TRPM8: variants seen among roughly 807,000 people sequenced by gnomAD.
TRPM8 encodes the protein transient receptor potential cation channel subfamily M member 8.
A neutral mutation model predicts 133.7 loss-of-function variants in TRPM8; 110 were observed. That is an observed-to-expected ratio of 0.82 (90% confidence interval 0.70 to 0.96). The LOEUF (loss-of-function observed/expected upper bound fraction) is 0.96, where lower values mean the gene tolerates loss of function less well. Among genes scored for constraint, TRPM8 ranks in the 40% least tolerant of loss-of-function variants. TRPM8 has a pLI of 0.00. For missense variants in TRPM8, 1,291 were observed against 1,379.5 expected, an observed-to-expected ratio of 0.94 and a Z score of 1.02; for synonymous variants, 535 against 532.3, an observed-to-expected ratio of 1.01 and a Z score of -0.07.
At chr2:233,940,186 G>T (rs1172668000) in intron 5 of TRPM8, among the ~76,000 whole-genome samples, 1 of 151,482 alleles carries the variant, frequency 6.6e-6, no homozygotes, top group African/African-American at 2.4e-5. Context: ...CTCGTGATTA[G>T]ATTCAGTTTG....
intron 2 of TRPM8, 141 bp from the exon 3 acceptor site, chr2:233,930,527 T>A (rs1035767691): frequency 2.1e-5 from 12 of 575,500 alleles, no homozygotes; most frequent in Non-Finnish European, 3.5e-5. Flanking sequence ...TCTAAAGGCA[T>A]GAACAAATGC....
At chr2:233,976,513 C>T (rs563707923) in intron 17 of TRPM8, among the ~76,000 whole-genome samples, 101 of 152,204 alleles carry the variant, frequency 6.6e-4, no homozygotes, top group African/African-American at 2.1e-3. Context: ...GGAAGGACAA[C>T]GTGCTGTGAG....
intron 2 of TRPM8, among the ~76,000 whole-genome samples, chr2:233,930,034 G>A (rs978407471): frequency 6.6e-6 from 1 of 152,116 alleles, no homozygotes; most frequent in Non-Finnish European, 1.5e-5. Context: ...GATGTACAGT[G>A]CTTATATATT....
Position 234,011,061 on chromosome 2 carries a change from A to G in TRPM8, c.3264+2958A>G, listed in dbSNP as rs114797680. On this transcript the variant is annotated intron_variant, in intron 24 of 25. Transcript: ENST00000324695. The stretch of plus-strand genomic sequence containing the variant: ...AAAATCATTGCCACGACCAGAGTCA[A>G]GAAGGTTTTCCCCTATGCTTTCTTC... 3.4e-3 allele frequency among the ~76,000 whole-genome samples: 519 copies of G among 152,362 alleles called. 1 individual carries two copies. Among genetic ancestry groups the G allele is most frequent in the African/African-American group, 0.012 (501 of 41,588 alleles).
intron 21 of TRPM8, among the ~76,000 whole-genome samples, chr2:233,993,981 T>A (rs900072393): frequency 1.3e-5 from 2 of 152,240 alleles, no homozygotes; most frequent in African/African-American, 4.8e-5. Flanking sequence ...TTTTTTGAAA[T>A]AGAGCATCTA....
intron 21 of TRPM8, among the ~76,000 whole-genome samples, chr2:233,987,648 A>T (rs993310630): frequency 2.6e-5 from 4 of 152,162 alleles, no homozygotes; most frequent in African/African-American, 9.7e-5. Context: ...ACCAAAAGTG[A>T]TGTTTCTAAA....
intron 2 of TRPM8, 106 bp from the exon 3 acceptor site, chr2:233,930,562 T>G: frequency 1.4e-6 from 1 of 722,466 alleles, no homozygotes. Flanking sequence ...ATGTGGTAAA[T>G]TCTTAAAGCC....
At chr2:234,009,119 G>A (rs1307794921) in intron 24 of TRPM8, among the ~76,000 whole-genome samples, 1 of 152,130 alleles carries the variant, frequency 6.6e-6, no homozygotes, top group East Asian at 1.9e-4. Context: ...TGCAAGGGAA[G>A]GCTCGGGGAG....
At chr2:233,992,640 C>T (rs1244136396) in intron 21 of TRPM8, among the ~76,000 whole-genome samples, 1 of 152,164 alleles carries the variant, frequency 6.6e-6, no homozygotes, top group African/African-American at 2.4e-5. Flanking sequence ...TGCATGTCTC[C>T]AGCCAGCTAG....
At position 234,000,084 on chromosome 2, in the gene TRPM8, A is replaced by ATTAT. The variant is rs1553669200; in HGVS notation, c.3130+3569_3130+3570insTATT. On this transcript the variant is annotated intron_variant, in intron 22 of 25. Transcript: ENST00000324695. Reference sequence around the variant, plus strand: ...TGAGCAGCATCTGTGATCAATGTGGATGATTTATTTATTTATTTATTTATT... The same window carrying ATTAT: ...TGAGCAGCATCTGTGATCAATGTGGATTATTGATTTATTTATTTATTTATTTATT... Among the ~76,000 whole-genome samples, 5 of 95,650 alleles carry ATTAT rather than the reference A, an allele frequency of 5.2e-5. No homozygotes were observed. In the South Asian group the frequency reaches 1.6e-3, roughly 30 times the overall value. 62.8% of individuals were successfully genotyped at this position (95,650 alleles called of 152,430 possible).
At chr2:233,983,334 G>A (rs755669034) in intron 20 of TRPM8, 110 bp downstream of exon 20, 47 of 1,243,150 alleles carry the variant, frequency 3.8e-5, no homozygotes, top group South Asian at 1.5e-4. Flanking sequence ...CGCGTGAAAC[G>A]GAGTCCAACA....
At chr2:233,977,435 C>T (rs1387071641) in intron 17 of TRPM8, among the ~76,000 whole-genome samples, 3 of 152,116 alleles carry the variant, frequency 2.0e-5, no homozygotes, top group Non-Finnish European at 2.9e-5. Flanking sequence ...GACCTATTTC[C>T]GACGTCGCTC....
chr2:234,015,226 C>T (rs1425983141), intron 25 of TRPM8, among the ~76,000 whole-genome samples: 1 of 152,156 alleles, frequency 6.6e-6, no homozygotes, highest in African/African-American at 2.4e-5. Context: ...GGCTTTGCTC[C>T]ATGGTCTTAC....
At chr2:233,957,526 A>C (rs1228108829) in intron 11 of TRPM8, among the ~76,000 whole-genome samples, 1 of 152,154 alleles carries the variant, frequency 6.6e-6, no homozygotes, top group East Asian at 1.9e-4. Context: ...CCCAAAAAAC[A>C]AAAAAACAAA....
chr2:233,990,819 T>TG (rs1692258066), intron 21 of TRPM8, among the ~76,000 whole-genome samples: 1 of 152,174 alleles, frequency 6.6e-6, no homozygotes, highest in Admixed American at 6.5e-5. Context: ...CTGCCTCAGG[T>TG]GCAGCCTTAT....
intron 3 of TRPM8, among the ~76,000 whole-genome samples, chr2:233,936,378 C>T (rs1036198220): frequency 2.0e-5 from 3 of 152,210 alleles, no homozygotes; most frequent in African/African-American, 4.8e-5. Flanking sequence ...TTCCAATTTC[C>T]TGTTATGCCT....
At chr2:234,002,782 T>C (rs770076281) in intron 22 of TRPM8, among the ~76,000 whole-genome samples, 5 of 152,290 alleles carry the variant, frequency 3.3e-5, no homozygotes, top group Non-Finnish European at 5.9e-5. Context: ...GGTTAGGTGG[T>C]CCTTCTCTCT....
At chr2:233,974,737 TCTGTAGGAA>T (rs766386968) in intron 17 of TRPM8, among the ~76,000 whole-genome samples, 15 of 151,862 alleles carry the variant, frequency 9.9e-5, no homozygotes, top group Non-Finnish European at 2.1e-4. Flanking sequence ...AGGCACGGCA[TCTGTAGGAA>T]CTGGAGCAGC....
chr2:233,930,873 TG>T (rs1318690102), intron 3 of TRPM8, 132 bp downstream of exon 3: 3 of 621,768 alleles, frequency 4.8e-6, no homozygotes, highest in Non-Finnish European at 8.5e-6. Context: ...AAACACTGTT[TG>T]CGCAGGAAGG....
Sources: allele counts gnomAD v4.1 joint callset (sites outside exome capture counted in the v4.1 genomes callset), GRCh38; gene constraint gnomAD v4.1.1; transcripts MANE v1.5; gene names NCBI Gene and HGNC (gene_info 2026-07-23, HGNC 2026-07-21).